MCC: variants seen among roughly 807,000 people sequenced by gnomAD.
MCC encodes the protein MCC regulator of Wnt signaling pathway.
In MCC, 90 loss-of-function variants were observed where a neutral mutation model predicts 116.2. That is an observed-to-expected ratio of 0.77 (90% CI 0.65 to 0.92). The LOEUF (loss-of-function observed/expected upper bound fraction) is 0.92, where lower values mean the gene tolerates loss of function less well. MCC is among the 40% of genes least tolerant of loss of function. The pLI, the probability that MCC is intolerant of heterozygous loss-of-function variation, is 0.00. For missense variants in MCC, 1,516 were observed against 1,312.2 expected (o/e 1.16, Z -2.40); for synonymous variants, 578 against 510.5 (o/e 1.13, Z -1.78).
intron 6 of MCC, among the ~76,000 whole-genome samples, chr5:113,119,458 A>C (rs1757606407): frequency 2.0e-5 from 3 of 152,172 alleles, no homozygotes; most frequent in African/African-American, 7.2e-5. Flanking sequence ...CGGGCAGGAG[A>C]AGCAGCTCAG....
intron 1 of MCC, 25 bp downstream of exon 1, chr5:113,488,220 G>C (rs201643203): frequency 6.3e-7 from 1 of 1,580,986 alleles, no homozygotes; most frequent in African/African-American, 1.4e-5. Context: ...CGCTCCTGTC[G>C]GTTTCCTCGT....
chr5:113,453,441 A>G (rs1280349299), intron 1 of MCC, among the ~76,000 whole-genome samples: 3 of 152,156 alleles, frequency 2.0e-5, no homozygotes, highest in African/African-American at 7.2e-5. Context: ...GCCCTCCTGG[A>G]GTGTCACAGC....
intron 3 of MCC, among the ~76,000 whole-genome samples, chr5:113,190,978 C>T (rs963331592): frequency 4.6e-5 from 7 of 152,188 alleles, no homozygotes; most frequent in South Asian, 2.1e-4. Flanking sequence ...GTGCCTGGCA[C>T]GAAGCAGGCA....
intron 5 of MCC, among the ~76,000 whole-genome samples, chr5:113,128,766 T>C (rs1404976935): frequency 1.3e-5 from 2 of 152,198 alleles, no homozygotes; most frequent in East Asian, 3.8e-4. Flanking sequence ...CTTTCTGGGT[T>C]TTATTTTTAT....
chr5:113,368,592 T>C (rs377733400), intron 2 of MCC, among the ~76,000 whole-genome samples: 15 of 152,196 alleles, frequency 9.9e-5, no homozygotes, highest in African/African-American at 3.1e-4. Context: ...GAATTTATCA[T>C]TATGATATTC....
chr5:113,281,944 A>C (rs991239992), intron 3 of MCC, among the ~76,000 whole-genome samples: 28 of 152,316 alleles, frequency 1.8e-4, no homozygotes, highest in Admixed American at 1.6e-3. Flanking sequence ...AGCAGCAAGA[A>C]CTGGCAATTA....
At chr5:113,294,629 G>C (rs1766650922) in intron 3 of MCC, 1 of 1,139,890 alleles carries the variant, frequency 8.8e-7, no homozygotes, top group East Asian at 4.4e-5. Context: ...CGCGCTCGCA[G>C]CTGCGGCAGC....
intron 3 of MCC, among the ~76,000 whole-genome samples, chr5:113,308,551 G>T (rs1378523069): frequency 6.6e-6 from 1 of 152,168 alleles, no homozygotes; most frequent in Non-Finnish European, 1.5e-5. Flanking sequence ...GGCTAGGCAT[G>T]GTGGCTCATG....
chr5:113,294,998 C>T (rs1766666485), intron 3 of MCC: 2 of 982,234 alleles, frequency 2.0e-6, no homozygotes, highest in Non-Finnish European at 2.4e-6. Flanking sequence ...GCGGAGGAGG[C>T]GGGGCTAGAG....
At chr5:113,048,949 T>A (rs1752298503) in intron 16 of MCC, 144 bp downstream of exon 16, 1 of 733,140 alleles carries the variant, frequency 1.4e-6, no homozygotes. Context: ...AATGTCACCT[T>A]CTTAGATACC....
At chr5:113,377,475 G>A (rs1225341871) in intron 2 of MCC, among the ~76,000 whole-genome samples, 1 of 152,112 alleles carries the variant, frequency 6.6e-6, no homozygotes, top group Non-Finnish European at 1.5e-5. Flanking sequence ...GCTGTATCAT[G>A]AGTACCTAGC....
chr5:113,073,381 A>G (rs1754181055), intron 11 of MCC, among the ~76,000 whole-genome samples: 1 of 152,122 alleles, frequency 6.6e-6, no homozygotes, highest in Non-Finnish European at 1.5e-5. Context: ...CATCCTTCCC[A>G]TTCTCCACAC....
Position 113,280,769 on chromosome 5 carries a change from T to C in MCC, c.627+59750A>G, listed in dbSNP as rs111791644. 7.8e-3 allele frequency among the ~76,000 whole-genome samples: 1,186 copies of C among 152,288 alleles called. 14 individuals are homozygous for C. Among genetic ancestry groups the C allele is most frequent in the African/African-American group, 0.027 (1,134 of 41,548 alleles). ...TTGCACAAGACCTGTGATTCTCCTT[T>C]TACCTGTTGGATATTCAGACCAACC... On this transcript the variant is annotated intron_variant, in intron 3 of 18. Transcript: ENST00000408903.
intron 3 of MCC, among the ~76,000 whole-genome samples, chr5:113,182,744 T>A (rs1172650242): frequency 6.6e-6 from 1 of 152,248 alleles, no homozygotes; most frequent in Non-Finnish European, 1.5e-5. Context: ...GGTGAACTTC[T>A]ATATTTATCT....
chr5:113,134,410 T>C (rs1209549025), intron 5 of MCC, among the ~76,000 whole-genome samples: 3 of 152,192 alleles, frequency 2.0e-5, no homozygotes, highest in African/African-American at 4.8e-5. Flanking sequence ...GGATTCTCTA[T>C]TATGTTTCAT....
intron 11 of MCC, among the ~76,000 whole-genome samples, chr5:113,079,335 A>G (rs999747564): frequency 2.6e-5 from 4 of 152,256 alleles, no homozygotes; most frequent in Admixed American, 1.3e-4. Context: ...ACCAAAAAAG[A>G]GCCCACATTG....
intron 3 of MCC, among the ~76,000 whole-genome samples, chr5:113,308,250 C>G (rs1767041055): frequency 6.6e-6 from 1 of 152,184 alleles, no homozygotes; most frequent in Admixed American, 6.5e-5. Context: ...CTTTTTAACT[C>G]TTGTCCTGAC....
chr5:113,285,747 C>T (rs1206737231), intron 3 of MCC, among the ~76,000 whole-genome samples: 1 of 152,156 alleles, frequency 6.6e-6, no homozygotes, highest in Non-Finnish European at 1.5e-5. Flanking sequence ...CACATATCAC[C>T]ACTGAACATT....
chr5:113,363,263 G>A (rs921361732), intron 2 of MCC, among the ~76,000 whole-genome samples: 2 of 152,150 alleles, frequency 1.3e-5, no homozygotes, highest in East Asian at 1.9e-4. Context: ...GCGACAGAGC[G>A]AGACTCCGTC....
Sources: gnomAD v4.1 joint callset for allele counts (sites outside exome capture counted in the v4.1 genomes callset) on GRCh38, gnomAD v4.1.1 for gene constraint, MANE v1.5 for transcripts, NCBI Gene and HGNC (gene_info 2026-07-23, HGNC 2026-07-21) for gene names.